Variants in CCNT1 observed in about 807,000 individuals in gnomAD.
CCNT1 encodes cyclin-T1.
A neutral mutation model predicts 67.3 loss-of-function variants in CCNT1; 18 were observed. The observed-to-expected ratio is 0.27, with a 90% CI of 0.18 to 0.40. The LOEUF is 0.40. Among genes scored for constraint, CCNT1 ranks in the 10% least tolerant of loss-of-function variants. CCNT1 has a pLI of 1.00. For synonymous variants in CCNT1, 333 were observed against 310.3 expected (o/e 1.07, Z -0.77); for missense variants, 744 against 884.9 (o/e 0.84, Z 2.02).
At chr12:48,708,197 G>C (rs750979628) in intron 2 of CCNT1, among the ~76,000 whole-genome samples, 10 of 151,874 alleles carry the variant, frequency 6.6e-5, no homozygotes, top group Middle Eastern at 3.2e-3. Flanking sequence ...AACACAATGA[G>C]ACCCTGTCTC....
chr12:48,694,106 T>C lies in CCNT1; in HGVS notation c.1108A>G (p.Asn370Asp). ...VDHSLPQDGS[N>D]AFISQKQNSK... ...TTCTGCTTCTGGGAAATAAATGCAT[T>C]TGAACCATCCTGTGGTAAGGAATGA... The change falls in exon 9 of 9, where the codon AAT (asparagine) becomes GAT (aspartate). Residue 370 changes from asparagine to aspartate, a missense_variant. Physicochemically the swap from Asn to Asp is conservative, Grantham distance 23. Transcript: ENST00000261900. The C allele has an allele frequency of 6.2e-7, 1 of 1,614,226 alleles. No homozygotes were observed. The highest frequency in any genetic ancestry group is 8.5e-7 in the Non-Finnish European group (1 of 1,180,022).
chr12:48,712,940 C>CA lies in CCNT1; in HGVS notation c.243+1502dup, dbSNP rs999937821. Among the ~76,000 whole-genome samples, 737 of 136,640 alleles carry CA rather than the reference C, an allele frequency of 5.4e-3. 2 individuals carry two copies. Among genetic ancestry groups the CA allele is most frequent in the South Asian group, 8.1e-3 (35 of 4,332 alleles). 89.6% of individuals were successfully genotyped at this position (136,640 alleles called of 152,430 possible). On this transcript the variant is annotated intron_variant, in intron 2 of 8. Transcript: ENST00000261900. ...GGGCAACAAGAGCGAAACTCCATCT[C>CA]AAAAAAAAAAAAATCAATCCATATG...
chr12:48,698,360 T>A (rs1244990157), intron 5 of CCNT1, among the ~76,000 whole-genome samples, 177 bp from the exon 6 acceptor site: 1 of 152,184 alleles, frequency 6.6e-6, no homozygotes, highest in Non-Finnish European at 1.5e-5. Flanking sequence ...AGTAGACAGA[T>A]CAATGATTTT....
chr12:48,693,505 GA>G lies in CCNT1; in HGVS notation c.1708del (p.Ser570LeufsTer31). 6.2e-7 allele frequency: 1 copy of G among 1,614,098 alleles called. No individual in the cohort carries two copies. ...TTCAGAGGGTCCCCTTTTACGAGTA[GA>G]ACTGGAAGAGGAAAAAGAACTAGAC... The part of the protein sequence containing the change: ...SLSSSFSSSS[S>X]TRKRGPSEET... On this transcript the variant is annotated frameshift_variant, in exon 9 of 9. Coordinates refer to ENST00000261900, the MANE Select transcript of CCNT1 (RefSeq NM_001240.4). LOFTEE classifies it high-confidence loss of function.
intron 1 of CCNT1, among the ~76,000 whole-genome samples, chr12:48,716,124 A>G (rs1255855696): frequency 6.6e-6 from 1 of 152,228 alleles, no homozygotes; most frequent in Non-Finnish European, 1.5e-5. Flanking sequence ...CGAAATTTAC[A>G]CACTAGGTTT....
chr12:48,693,809 C>T lies in CCNT1; in HGVS notation c.1405G>A (p.Gly469Arg). The stretch of plus-strand genomic sequence containing the variant: ...GGTTTTGAAGACGCAGCTTTATCTC[C>T]ACCTGCCACTGGGATTCTCATTTTG... ...ALKMRIPVAG[G>R]DKAASSKPEE... The change falls in exon 9 of 9, where the codon GGA becomes AGA. Residue 469 changes from glycine (G) to arginine (R), a missense_variant. Gly to Arg is a moderately radical substitution (Grantham distance 125). Around this residue, in one of 3 missense-constraint regions of CCNT1, gnomAD observed 564 missense variants for 574.2 expected, o/e 0.98. Transcript: ENST00000261900. 1 of 1,614,064 alleles carries T rather than the reference C, an allele frequency of 6.2e-7. No homozygotes were observed. Among genetic ancestry groups the T allele is most frequent in the Non-Finnish European group, 8.5e-7 (1 of 1,179,980 alleles).
chr12:48,703,138 G>A (rs958092436), intron 3 of CCNT1, among the ~76,000 whole-genome samples: 1 of 151,884 alleles, frequency 6.6e-6, no homozygotes, highest in Admixed American at 6.6e-5. Context: ...AGGGTGGCCG[G>A]GTGCAGTGGC....
intron 3 of CCNT1, among the ~76,000 whole-genome samples, chr12:48,701,384 C>A (rs1419856636): frequency 6.6e-6 from 1 of 151,656 alleles, no homozygotes; most frequent in Non-Finnish European, 1.5e-5. Flanking sequence ...CAACACCACG[C>A]CCGGCTAATT....
chr12:48,693,016 C>A lies in CCNT1; in HGVS notation c.*17G>T. 2 of 1,477,052 alleles carry A rather than the reference C, an allele frequency of 1.4e-6. No homozygotes were observed. Among genetic ancestry groups the A allele is most frequent in the Non-Finnish European group, 9.1e-7 (1 of 1,100,202 alleles). The allele number at this position is 1,477,052 out of a possible 1,614,324, so 91.5% of individuals were successfully genotyped here. On this transcript the variant is annotated 3_prime_UTR_variant, in exon 9 of 9. Coordinates refer to ENST00000261900, the MANE Select transcript of CCNT1 (RefSeq NM_001240.4). The stretch of plus-strand genomic sequence containing the variant: ...GTTTTTTTAAAGAAGTTTTTTTCTC[C>A]TCTTCTTTTTCTTTTTTTACTTAGG...
Position 48,696,029 on chromosome 12 carries a change from C to CTGT in CCNT1, c.675_676insACA (p.Val225_Asp226insThr), listed in dbSNP as rs1484715485. The stretch of plus-strand genomic sequence containing the variant: ...AAAAGTTCCAAGGTCACAGTGGCGT[C>CTGT]AACATACTCCCACCAGTGCTTCCCG... On this transcript the variant is annotated inframe_insertion, in exon 7 of 9. Coordinates refer to ENST00000261900, the MANE Select transcript of CCNT1 (RefSeq NM_001240.4). 6.2e-7 allele frequency: 1 copy of CTGT among 1,613,936 alleles called. No individual in the cohort carries two copies. Among genetic ancestry groups the CTGT allele is most frequent in the East Asian group, 2.2e-5 (1 of 44,892 alleles).
At chr12:48,695,623 A>G in intron 8 of CCNT1, 136 bp downstream of exon 8, 1 of 632,786 alleles carries the variant, frequency 1.6e-6, no homozygotes, top group Non-Finnish European at 2.8e-6. Context: ...CAAGGTATGA[A>G]GTAGAAGTCA....
intron 2 of CCNT1, among the ~76,000 whole-genome samples, chr12:48,708,928 A>C (rs1940406699): frequency 6.6e-6 from 1 of 152,142 alleles, no homozygotes; most frequent in Non-Finnish European, 1.5e-5. Context: ...TCATCTCTAC[A>C]AAAAATCAAA....
chr12:48,713,857 A>C (rs1592127892), intron 2 of CCNT1, among the ~76,000 whole-genome samples: 1 of 152,118 alleles, frequency 6.6e-6, no homozygotes, highest in East Asian at 1.9e-4. Flanking sequence ...TTACTCCTCC[A>C]ACCCCAAAAT....
intron 4 of CCNT1, among the ~76,000 whole-genome samples, chr12:48,700,500 GA>G (rs1179020740): frequency 6.7e-6 from 1 of 148,836 alleles, no homozygotes; most frequent in South Asian, 2.1e-4. Context: ...AAAGAACCAG[GA>G]AAAAAAAAAT....
At chr12:48,697,486 T>A (rs1940187981) in intron 6 of CCNT1, among the ~76,000 whole-genome samples, 1 of 144,180 alleles carries the variant, frequency 6.9e-6, no homozygotes, top group Non-Finnish European at 1.5e-5. Flanking sequence ...TCGCACCACT[T>A]CAGTCCAGCC....
Position 48,714,512 on chromosome 12 carries a change from A to G in CCNT1, c.174T>C (p.Thr58=). Residue 58 remains threonine, a synonymous_variant, in exon 2 of 9, where the codon ACT becomes ACC. Coordinates refer to ENST00000261900, the MANE Select transcript of CCNT1 (RefSeq NM_001240.4). Reference sequence around the variant, plus strand: ...GCATGTATACTATAGCAGTGTTGATAGTCAATTGTGAGCTGAAGTGTTCAA... The same window carrying G: ...GCATGTATACTATAGCAGTGTTGATGGTCAATTGTGAGCTGAAGTGTTCAA... The part of the protein sequence containing the change: ...MGQRLNVSQL[T]INTAIVYMHR... 6.2e-7 allele frequency: 1 copy of G among 1,608,356 alleles called. No homozygotes were observed. The highest frequency in any genetic ancestry group is 8.5e-7 in the Non-Finnish European group (1 of 1,174,942).
chr12:48,704,606 C>T (rs752958144), intron 3 of CCNT1, among the ~76,000 whole-genome samples: 3 of 152,112 alleles, frequency 2.0e-5, no homozygotes, highest in African/African-American at 7.2e-5. Flanking sequence ...GTCAAGAGAT[C>T]GAGACCATTC....
intron 6 of CCNT1, among the ~76,000 whole-genome samples, chr12:48,697,178 A>G (rs1407446744): frequency 2.6e-5 from 4 of 152,134 alleles, no homozygotes; most frequent in Non-Finnish European, 4.4e-5. Context: ...CTTAACATCC[A>G]TAAGTGCCCA....
intron 1 of CCNT1, among the ~76,000 whole-genome samples, chr12:48,715,624 GTA>G (rs1940521751): frequency 1.3e-5 from 2 of 151,924 alleles, no homozygotes; most frequent in African/African-American, 4.8e-5. Context: ...CTACGCCGGG[GTA>G]ATTTTTTGTA....
Sources: allele counts gnomAD v4.1 joint callset (sites outside exome capture counted in the v4.1 genomes callset), GRCh38; gene constraint gnomAD v4.1.1; regional missense constraint gnomAD v4.1.1; transcripts MANE v1.5; gene names NCBI Gene and HGNC (gene_info 2026-07-23, HGNC 2026-07-21).